Variants in GABRG3 observed in about 807,000 individuals in gnomAD.
GABRG3 encodes gamma-aminobutyric acid receptor subunit gamma-3.
A neutral mutation model predicts 48.8 loss-of-function variants in GABRG3; 25 were observed. That is an observed-to-expected ratio of 0.51 (90% CI 0.37 to 0.72). The LOEUF (loss-of-function observed/expected upper bound fraction) is 0.72, where lower values mean the gene tolerates loss of function less well. Ranked by LOEUF, GABRG3 falls within the 30% of genes least tolerant of loss-of-function variation. GABRG3 has a pLI of 0.00. For missense variants in GABRG3, 394 were observed against 577.9 expected, an observed-to-expected ratio of 0.68 and a Z score of 3.26; for synonymous variants, 227 against 217.6, an observed-to-expected ratio of 1.04 and a Z score of -0.38.
intron 3 of GABRG3, among the ~76,000 whole-genome samples, chr15:27,118,999 ATTC>A (rs1897687844): frequency 6.6e-6 from 1 of 152,122 alleles, no homozygotes; most frequent in South Asian, 2.1e-4. Flanking sequence ...TTCTCCTACC[ATTC>A]TTCCCTGAAG....
intron 3 of GABRG3, among the ~76,000 whole-genome samples, chr15:27,264,825 C>T (rs951893068): frequency 3.3e-5 from 5 of 152,038 alleles, no homozygotes; most frequent in Non-Finnish European, 7.3e-5. Flanking sequence ...GTCTCTCCCT[C>T]TTTCCTCACT....
At position 27,307,059 on chromosome 15, in the gene GABRG3, A is replaced by G. The variant is rs1199783552; in HGVS notation, c.271-19750A>G. Among the ~76,000 whole-genome samples, 2 of 125,798 alleles carry G rather than the reference A, an allele frequency of 1.6e-5. 1 individual carries two copies. Among genetic ancestry groups the G allele is most frequent in the Admixed American group, 1.6e-4 (2 of 12,380 alleles). The allele number at this position is 125,798 out of a possible 152,430, so 82.5% of individuals were successfully genotyped here. On this transcript the variant is annotated intron_variant, in intron 3 of 9. Coordinates refer to ENST00000615808, the MANE Select transcript of GABRG3 (RefSeq NM_033223.5). ...ATAAAATAAACATGTTTATATATAA[A>G]CATGTATAATATAAACATGTTTATA...
At chr15:27,308,839 A>G (rs1892874032) in intron 3 of GABRG3, among the ~76,000 whole-genome samples, 1 of 150,350 alleles carries the variant, frequency 6.7e-6, no homozygotes, top group South Asian at 2.2e-4. Flanking sequence ...ACGTTTATAT[A>G]AAAACACAGA....
intron 3 of GABRG3, among the ~76,000 whole-genome samples, chr15:27,312,841 A>G (rs899238749): frequency 5.3e-5 from 8 of 152,076 alleles, no homozygotes; most frequent in Admixed American, 6.6e-5. Flanking sequence ...AAAAAATCTC[A>G]TTAGTATAAG....
At chr15:27,219,326 A>G (rs1470981299) in intron 3 of GABRG3, among the ~76,000 whole-genome samples, 1 of 152,156 alleles carries the variant, frequency 6.6e-6, no homozygotes, top group Admixed American at 6.5e-5. Context: ...GTGCTCCTCC[A>G]AGGTAGGCAG....
At position 27,155,370 on chromosome 15, in the gene GABRG3, T is replaced by A. The variant is rs115754363; in HGVS notation, c.270+128549T>A. Among the ~76,000 whole-genome samples the A allele has an allele frequency of 8.9e-3, 1,359 of 152,342 alleles. 18 individuals are homozygous for A. Among genetic ancestry groups the A allele is most frequent in the African/African-American group, 0.031 (1,280 of 41,572 alleles). ...GCTGCTTTTATCTTTTATTATTTTTTAAAATCTTTGCCACATAATTTTAAC... is the reference window on the plus strand; with the variant it reads ...GCTGCTTTTATCTTTTATTATTTTTAAAAATCTTTGCCACATAATTTTAAC... On this transcript the variant is annotated intron_variant, in intron 3 of 9. Coordinates refer to ENST00000615808, the MANE Select transcript of GABRG3 (RefSeq NM_033223.5).
intron 3 of GABRG3, among the ~76,000 whole-genome samples, chr15:27,325,247 T>C (rs1893572590): frequency 6.6e-6 from 1 of 151,974 alleles, no homozygotes; most frequent in Non-Finnish European, 1.5e-5. Flanking sequence ...GGGTTCAGAG[T>C]CTGTCAGTGA....
At chr15:27,503,971 G>T (rs1419384447) in intron 6 of GABRG3, among the ~76,000 whole-genome samples, 2 of 152,050 alleles carry the variant, frequency 1.3e-5, no homozygotes, top group African/African-American at 2.4e-5. Context: ...TCTACTTCCA[G>T]ATTAATATAG....
chr15:27,210,459 C>T (rs1484924299), intron 3 of GABRG3, among the ~76,000 whole-genome samples: 2 of 152,216 alleles, frequency 1.3e-5, no homozygotes, highest in Non-Finnish European at 2.9e-5. Context: ...CATTCTCTTT[C>T]CATCACACAC....
intron 3 of GABRG3, among the ~76,000 whole-genome samples, chr15:27,075,129 T>C (rs998127891): frequency 1.3e-5 from 2 of 152,208 alleles, no homozygotes; most frequent in African/African-American, 2.4e-5. Flanking sequence ...ATATTGGTGA[T>C]TTTTTTCTCA....
intron 3 of GABRG3, among the ~76,000 whole-genome samples, chr15:27,188,374 A>C (rs565321216): frequency 1.2e-3 from 180 of 152,070 alleles, no homozygotes; most frequent in Middle Eastern, 3.4e-3. Context: ...TTCTCCACAT[A>C]CTCTCCAGCA....
At chr15:27,161,488 AATGATGCTTTTTG>A (rs946110985) in intron 3 of GABRG3, among the ~76,000 whole-genome samples, 12 of 152,254 alleles carry the variant, frequency 7.9e-5, no homozygotes, top group Admixed American at 7.2e-4. Context: ...ATACGTTTTT[AATGATGCTTTTTG>A]ATGAAGAAAA....
At chr15:27,004,695 T>C (rs182796446) in intron 2 of GABRG3, among the ~76,000 whole-genome samples, 111 of 152,398 alleles carry the variant, frequency 7.3e-4, no homozygotes, top group African/African-American at 2.4e-3. Context: ...AACTGCATCT[T>C]GATTGTTTTA....
chr15:27,436,828 G>A (rs1888626570), intron 5 of GABRG3, among the ~76,000 whole-genome samples: 1 of 151,998 alleles, frequency 6.6e-6, no homozygotes, highest in Admixed American at 6.6e-5. Context: ...TCAGAGGGTT[G>A]GGAGAAAAAA....
intron 3 of GABRG3, among the ~76,000 whole-genome samples, chr15:27,062,933 G>T (rs2140725044): frequency 6.6e-6 from 1 of 152,218 alleles, no homozygotes; most frequent in African/African-American, 2.4e-5. Flanking sequence ...ATTATATCTG[G>T]GATCTTTTTG....
At chr15:27,231,866 T>A (rs958482593) in intron 3 of GABRG3, among the ~76,000 whole-genome samples, 1 of 152,188 alleles carries the variant, frequency 6.6e-6, no homozygotes, top group Non-Finnish European at 1.5e-5. Flanking sequence ...TAAATTTTTT[T>A]AACTTAAAGA....
At position 27,307,370 on chromosome 15, in the gene GABRG3, GGTTTATATATTTATATATAACCATA is replaced by G. The variant is rs1892630105; in HGVS notation, c.271-19438_271-19414del. 2.7e-5 allele frequency among the ~76,000 whole-genome samples: 2 copies of G among 73,340 alleles called. 1 individual carries two copies. The highest frequency in any genetic ancestry group is 5.6e-5 in the Non-Finnish European group (2 of 35,498). The allele number at this position is 73,340 out of a possible 152,430, so 48.1% of individuals were successfully genotyped here. A position where few individuals can be genotyped will look rare whatever the true frequency, so the allele number is the denominator to read the frequency against. On this transcript the variant is annotated intron_variant, in intron 3 of 9. Coordinates refer to ENST00000615808, the MANE Select transcript of GABRG3 (RefSeq NM_033223.5). Reference sequence around the variant, plus strand: ...ATATATGTTTATATATAACCATATAGGTTTATATATTTATATATAACCATATAGGTTTATATATTTATATATAAAC... The same window carrying G: ...ATATATGTTTATATATAACCATATAGTAGGTTTATATATTTATATATAAAC...
chr15:27,282,591 A>G (rs1279147713), intron 3 of GABRG3, among the ~76,000 whole-genome samples: 1 of 152,100 alleles, frequency 6.6e-6, no homozygotes, highest in Non-Finnish European at 1.5e-5. Context: ...TTTTTTGTGT[A>G]TGCGATTTTT....
intron 5 of GABRG3, among the ~76,000 whole-genome samples, chr15:27,350,934 A>ATCG (rs1296918669): frequency 8.9e-5 from 13 of 145,726 alleles, no homozygotes; most frequent in Non-Finnish European, 2.0e-4. Flanking sequence ...GTGTGTGTGT[A>ATCG]TCGTGTGTGT....
Sources: allele counts gnomAD v4.1 joint callset (sites outside exome capture counted in the v4.1 genomes callset), GRCh38; gene constraint gnomAD v4.1.1; transcripts MANE v1.5; gene names NCBI Gene and HGNC (gene_info 2026-07-23, HGNC 2026-07-21).